Variants in MAP4K3 observed in about 807,000 individuals in gnomAD.
MAP4K3 encodes the protein mitogen-activated protein kinase kinase kinase kinase 3, also known as MAPK/ERK kinase kinase kinase 3.
In MAP4K3, 94 loss-of-function variants were observed where a neutral mutation model predicts 143.5. The observed-to-expected ratio is 0.65, with a 90% CI of 0.55 to 0.78. The LOEUF (loss-of-function observed/expected upper bound fraction) is 0.78. Ranked by LOEUF, MAP4K3 falls within the 30% of genes least tolerant of loss-of-function variation. The pLI is 0.00. For synonymous variants in MAP4K3, 416 were observed against 347.2 expected (o/e 1.20, Z -2.20); for missense variants, 1,077 against 1,068.1 (o/e 1.01, Z -0.12).
chr2:39,301,591 A>C (rs1317328136), intron 15 of MAP4K3, among the ~76,000 whole-genome samples: 1 of 152,222 alleles, frequency 6.6e-6, no homozygotes. Context: ...ATTCGTGTGG[A>C]ATGGCCATGG....
chr2:39,280,177 G>A, intron 23 of MAP4K3, 95 bp downstream of exon 23: 1 of 700,402 alleles, frequency 1.4e-6, no homozygotes, highest in Non-Finnish European at 2.3e-6. Context: ...TTTTTCCCCA[G>A]AAAGATACTC....
At chr2:39,251,936 T>C (rs1316745449) in intron 32 of MAP4K3, 51 bp from the exon 33 acceptor site, 1 of 1,188,962 alleles carries the variant, frequency 8.4e-7, no homozygotes, top group South Asian at 1.2e-5. Flanking sequence ...ACACAAAATT[T>C]TTAATGGGCA....
At chr2:39,337,296 A>G (rs1393745951) in intron 5 of MAP4K3, among the ~76,000 whole-genome samples, 1 of 152,170 alleles carries the variant, frequency 6.6e-6, no homozygotes, top group Non-Finnish European at 1.5e-5. Context: ...ATATACAATA[A>G]CAGATGCATA....
intron 12 of MAP4K3, among the ~76,000 whole-genome samples, chr2:39,320,578 A>G (rs562309457): frequency 1.3e-5 from 2 of 151,758 alleles, no homozygotes; most frequent in East Asian, 3.9e-4. Flanking sequence ...TTACTTTATT[A>G]AAACCATTCT....
intron 7 of MAP4K3, among the ~76,000 whole-genome samples, chr2:39,333,143 T>A (rs1362713914): frequency 6.6e-6 from 1 of 152,170 alleles, no homozygotes; most frequent in Non-Finnish European, 1.5e-5. Flanking sequence ...TAATGCTGTA[T>A]TTTATTTTAA....
intron 18 of MAP4K3, among the ~76,000 whole-genome samples, chr2:39,291,524 A>G (rs867607637): frequency 6.6e-6 from 1 of 152,200 alleles, no homozygotes; most frequent in Non-Finnish European, 1.5e-5. Context: ...AACTATATAT[A>G]TGCTTTATGA....
intron 1 of MAP4K3, among the ~76,000 whole-genome samples, chr2:39,398,581 C>T (rs975396890): frequency 1.5e-4 from 23 of 151,508 alleles, no homozygotes; most frequent in African/African-American, 5.6e-4. Flanking sequence ...TAAATAAACG[C>T]ATTCTTTATT....
Position 39,326,211 on chromosome 2 carries a change from T to C in MAP4K3, c.597A>G (p.Ala199=). The change falls in exon 9 of 34, where the codon GCA becomes GCG. Residue 199 remains alanine (A), a synonymous_variant. Transcript: ENST00000263881. ...CAAGTTCTATGGCAGTGATTCCCAC[T>C]GCCCAGAGATCACAGAGTTGATTGT... ...GGYNQLCDLW[A]VGITAIELAE... is the part of the protein sequence containing the mutation. 6.2e-7 allele frequency: 1 copy of C among 1,614,038 alleles called. No individual in the cohort carries two copies. The highest frequency in any genetic ancestry group is 1.1e-5 in the South Asian group (1 of 91,068).
At chr2:39,373,026 T>G (rs1307101888) in intron 2 of MAP4K3, among the ~76,000 whole-genome samples, 1 of 152,116 alleles carries the variant, frequency 6.6e-6, no homozygotes, top group African/African-American at 2.4e-5. Flanking sequence ...AGAAAATATC[T>G]GCAAACTACT....
Position 39,286,962 on chromosome 2 carries a change from T to G in MAP4K3, c.1477A>C (p.Asn493His). Residue 493 changes from asparagine (N) to histidine (H), a missense_variant and splice_region_variant, in exon 21 of 34, where the codon AAT (asparagine) becomes CAT (histidine). Around this residue, in one of 2 missense-constraint regions of MAP4K3, gnomAD observed 864 missense variants for 801.2 expected, o/e 1.08. Coordinates refer to ENST00000263881, the MANE Select transcript of MAP4K3 (RefSeq NM_003618.4). ...LPPHKPVALG[N>H]GMSSFQLNGE... is the part of the protein sequence containing the mutation. ...TTTAACTGGAAGGAGCTCATTCCATTTCCTTCAATAAGATATATTCATTGA... is the reference window on the plus strand; with the variant it reads ...TTTAACTGGAAGGAGCTCATTCCATGTCCTTCAATAAGATATATTCATTGA... 1 of 1,580,084 alleles carries G rather than the reference T, an allele frequency of 6.3e-7. No individual in the cohort carries two copies. The highest frequency in any genetic ancestry group is 8.7e-7 in the Non-Finnish European group (1 of 1,154,982).
chr2:39,318,536 C>T (rs533767412), intron 12 of MAP4K3, among the ~76,000 whole-genome samples: 20 of 152,036 alleles, frequency 1.3e-4, no homozygotes, highest in African/African-American at 4.3e-4. Flanking sequence ...ACACACTAAC[C>T]ATAGACACCT....
intron 1 of MAP4K3, 124 bp downstream of exon 1, chr2:39,436,765 GCTC>G: frequency 1.3e-6 from 1 of 758,946 alleles, no homozygotes; most frequent in African/African-American, 1.8e-5. Context: ...GGCGTCCGCA[GCTC>G]CTCCTCCCCG....
intron 1 of MAP4K3, among the ~76,000 whole-genome samples, chr2:39,407,574 G>GT (rs936286486): frequency 2.0e-5 from 3 of 152,062 alleles, no homozygotes; most frequent in Admixed American, 6.6e-5. Context: ...TTTTTGTTTT[G>GT]TTTTTTATAG....
intron 24 of MAP4K3, among the ~76,000 whole-genome samples, chr2:39,273,529 G>C (rs1681123248): frequency 1.4e-5 from 1 of 71,608 alleles, no homozygotes. Context: ...ATGGAATAGA[G>C]AGGACCCAGG....
At chr2:39,260,342 C>T (rs1335602915) in intron 29 of MAP4K3, among the ~76,000 whole-genome samples, 1 of 152,144 alleles carries the variant, frequency 6.6e-6, no homozygotes, top group East Asian at 1.9e-4. Context: ...TCTTGAACTC[C>T]TGGACTCAAG....
At chr2:39,388,474 A>C (rs971705759) in intron 1 of MAP4K3, among the ~76,000 whole-genome samples, 1 of 152,244 alleles carries the variant, frequency 6.6e-6, no homozygotes, top group Non-Finnish European at 1.5e-5. Flanking sequence ...CAGAGCTGTA[A>C]ACAAAAGCTC....
intron 16 of MAP4K3, among the ~76,000 whole-genome samples, chr2:39,296,933 A>G (rs1007458469): frequency 7.9e-5 from 12 of 152,182 alleles, no homozygotes; most frequent in Admixed American, 5.9e-4. Context: ...GCAATAATAG[A>G]GGTAAATTTC....
intron 27 of MAP4K3, 53 bp downstream of exon 27, chr2:39,267,136 C>T: frequency 1.3e-6 from 2 of 1,554,398 alleles, no homozygotes; most frequent in East Asian, 4.5e-5. Flanking sequence ...TGTTTTATGC[C>T]AGATTTTAGG....
chr2:39,424,244 T>C (rs1425911624), intron 1 of MAP4K3, among the ~76,000 whole-genome samples: 2 of 152,090 alleles, frequency 1.3e-5, no homozygotes, highest in African/African-American at 4.8e-5. Flanking sequence ...GCGCCCGGCC[T>C]GGTTCATCAA....
Sources: gnomAD v4.1 joint callset for allele counts (sites outside exome capture counted in the v4.1 genomes callset) on GRCh38, gnomAD v4.1.1 for gene constraint, gnomAD v4.1.1 regional missense constraint, MANE v1.5 for transcripts, NCBI Gene and HGNC (gene_info 2026-07-23, HGNC 2026-07-21) for gene names.